The following MTUS2 variants were observed in gnomAD, a reference collection of about 807,000 sequenced individuals.
MTUS2 encodes the protein microtubule-associated tumor suppressor candidate 2.
Under a neutral mutation model 114.1 loss-of-function variants are expected in MTUS2, and 40 were observed. That is an observed-to-expected ratio of 0.35 (90% CI 0.27 to 0.46). The LOEUF (loss-of-function observed/expected upper bound fraction) is 0.46, where lower values mean the gene tolerates loss of function less well. MTUS2 is among the 20% of genes least tolerant of loss of function. MTUS2 has a pLI of 1.00. For missense variants in MTUS2, 1,679 were observed against 1,705.4 expected (o/e 0.98, Z 0.27); for synonymous variants, 688 against 672.0 (o/e 1.02, Z -0.37).
intron 6 of MTUS2, among the ~76,000 whole-genome samples, chr13:29,320,539 C>T (rs1020963348): frequency 6.6e-6 from 1 of 152,212 alleles, no homozygotes; most frequent in Admixed American, 6.5e-5. Flanking sequence ...GTGAACAGCA[C>T]AGGCTGAGAC....
intron 2 of MTUS2, among the ~76,000 whole-genome samples, chr13:28,866,796 A>G (rs1300501604): frequency 6.6e-6 from 1 of 152,164 alleles, no homozygotes; most frequent in Non-Finnish European, 1.5e-5. Flanking sequence ...TGATTAAAGG[A>G]TGCCCTTCTG....
At chr13:29,277,231 TTGTA>T (rs1227508873) in intron 5 of MTUS2, among the ~76,000 whole-genome samples, 1 of 152,222 alleles carries the variant, frequency 6.6e-6, no homozygotes, top group African/African-American at 2.4e-5. Context: ...TAAGCCTTCT[TTGTA>T]TCTCTATCAT....
At chr13:29,420,115 G>T (rs1875965649) in intron 8 of MTUS2, among the ~76,000 whole-genome samples, 1 of 152,072 alleles carries the variant, frequency 6.6e-6, no homozygotes, top group Non-Finnish European at 1.5e-5. Flanking sequence ...TTATAGAGAA[G>T]AAAACTGAGG....
intron 8 of MTUS2, among the ~76,000 whole-genome samples, chr13:29,371,984 C>CA (rs778866602): frequency 1.0e-5 from 1 of 96,858 alleles, no homozygotes; most frequent in Non-Finnish European, 2.2e-5. Context: ...CCGCCCCCCC[C>CA]CCCACACACA....
chr13:29,391,812 G>A (rs1873501769), intron 8 of MTUS2, among the ~76,000 whole-genome samples: 1 of 152,008 alleles, frequency 6.6e-6, no homozygotes, highest in Non-Finnish European at 1.5e-5. Context: ...TCATATTGTT[G>A]TACAGTTGTC....
At chr13:29,383,250 G>GTATATATATATATATATATATATTTA (rs763660299) in intron 8 of MTUS2, among the ~76,000 whole-genome samples, 3 of 64,390 alleles carry the variant, frequency 4.7e-5, no homozygotes, top group African/African-American at 1.1e-4. Context: ...GTGTGTGTGT[G>GTATATATATATATATATATATATTTA]TGTATTTATT....
chr13:29,379,122 G>A (rs754562277), intron 8 of MTUS2, among the ~76,000 whole-genome samples: 4 of 152,132 alleles, frequency 2.6e-5, no homozygotes, highest in South Asian at 4.2e-4. Flanking sequence ...CCAGCCCTGC[G>A]GAACTGTAAG....
At chr13:28,907,910 T>G (rs1419832359) in intron 2 of MTUS2, among the ~76,000 whole-genome samples, 3 of 151,578 alleles carry the variant, frequency 2.0e-5, no homozygotes, top group Non-Finnish European at 2.9e-5. Flanking sequence ...TTCCTTCTGG[T>G]CTCCATGGTT....
intron 2 of MTUS2, among the ~76,000 whole-genome samples, chr13:28,994,032 C>G (rs1325550702): frequency 9.9e-5 from 15 of 152,108 alleles, no homozygotes; most frequent in Admixed American, 9.8e-4. Flanking sequence ...AGGTGTATCT[C>G]CTAATGCTAT....
chr13:29,405,107 C>T (rs533288397), intron 8 of MTUS2, among the ~76,000 whole-genome samples: 1 of 152,276 alleles, frequency 6.6e-6, no homozygotes, highest in African/African-American at 2.4e-5. Context: ...TGCTGCTTTC[C>T]TATGCCCTGG....
At chr13:29,201,974 T>G (rs1016172965) in intron 5 of MTUS2, among the ~76,000 whole-genome samples, 1 of 152,166 alleles carries the variant, frequency 6.6e-6, no homozygotes, top group Non-Finnish European at 1.5e-5. Context: ...ATCTGACGAT[T>G]ATGTGTCTTG....
chr13:29,338,605 AC>A (rs1901212169), intron 7 of MTUS2, among the ~76,000 whole-genome samples: 1 of 152,046 alleles, frequency 6.6e-6, no homozygotes, highest in African/African-American at 2.4e-5. Flanking sequence ...ACAAAAAAAA[AC>A]AAAGTTGCAT....
intron 9 of MTUS2, among the ~76,000 whole-genome samples, chr13:29,462,640 C>A (rs1223609041): frequency 6.6e-6 from 1 of 151,912 alleles, no homozygotes; most frequent in Non-Finnish European, 1.5e-5. Context: ...GGACAGGAGA[C>A]CTGCGTTTGT....
chr13:29,455,291 A>G (rs112123760), intron 9 of MTUS2, among the ~76,000 whole-genome samples: 7,878 of 152,230 alleles, frequency 0.052, 218 homozygotes, highest in South Asian at 0.064. Context: ...GAGGGCCTGC[A>G]GGGGGCAGCT....
chr13:28,905,388 G>C (rs912050542), intron 2 of MTUS2, among the ~76,000 whole-genome samples: 2 of 151,386 alleles, frequency 1.3e-5, no homozygotes, highest in African/African-American at 4.9e-5. Flanking sequence ...ATTGGCTGTG[G>C]GTTTGTCATA....
chr13:29,044,888 C>G (rs560957084), intron 4 of MTUS2, among the ~76,000 whole-genome samples: 20 of 152,284 alleles, frequency 1.3e-4, no homozygotes, highest in Non-Finnish European at 2.4e-4. Context: ...TAGAGTCTAT[C>G]TCATGTGCTT....
At chr13:28,834,264 T>C (rs1267644358) in intron 1 of MTUS2, among the ~76,000 whole-genome samples, 2 of 152,150 alleles carry the variant, frequency 1.3e-5, no homozygotes, top group Non-Finnish European at 1.5e-5. Flanking sequence ...GCACAAGTTC[T>C]AATTTCAAAA....
At position 29,048,642 on chromosome 13, in the gene MTUS2, T is replaced by A. The variant is rs535090615; in HGVS notation, c.2446+14517T>A. ...TACCACCACCCTTGGCTAATTTTTT[T>A]AGGTTTTTGTAGAGACAAGGTCTTA... is the stretch of plus-strand genomic sequence containing the variant. On this transcript the variant is annotated intron_variant, in intron 4 of 15. Coordinates refer to ENST00000612955, the MANE Select transcript of MTUS2 (RefSeq NM_001033602.4). Among the ~76,000 whole-genome samples the A allele has an allele frequency of 2.0e-5, 3 of 152,280 alleles. No individual in the cohort carries two copies. The East Asian group carries it at 5.8e-4, about 29-fold the overall frequency.
intron 4 of MTUS2, among the ~76,000 whole-genome samples, chr13:29,041,794 C>T (rs1243649532): frequency 6.6e-6 from 1 of 152,136 alleles, no homozygotes; most frequent in Non-Finnish European, 1.5e-5. Context: ...AGCAGTGCTA[C>T]TGATCTGTGT....
Sources: allele counts gnomAD v4.1 joint callset (sites outside exome capture counted in the v4.1 genomes callset), GRCh38; gene constraint gnomAD v4.1.1; transcripts MANE v1.5; gene names NCBI Gene and HGNC (gene_info 2026-07-23, HGNC 2026-07-21).